Variants in PDE1A observed in about 807,000 individuals in gnomAD.
PDE1A encodes phosphodiesterase 1A.
In PDE1A, 35 loss-of-function variants were observed where a neutral mutation model predicts 61.7. That is an observed-to-expected ratio of 0.57 (90% confidence interval 0.43 to 0.75). PDE1A has a LOEUF of 0.75. PDE1A is among the 30% of genes least tolerant of loss of function. The probability of loss-of-function intolerance (pLI) is 0.00; values close to 1 mark genes in which losing one functional copy is unlikely to be tolerated. For synonymous variants in PDE1A, 232 were observed against 213.2 expected, an observed-to-expected ratio of 1.09 and a Z score of -0.77; for missense variants, 597 against 630.6, an observed-to-expected ratio of 0.95 and a Z score of 0.57.
intron 2 of PDE1A, among the ~76,000 whole-genome samples, chr2:182,481,876 A>T (rs1210613929): frequency 6.6e-6 from 1 of 151,944 alleles, no homozygotes; most frequent in Non-Finnish European, 1.5e-5. Flanking sequence ...CTAGTTGGAT[A>T]AGAGCATTGA....
At chr2:182,619,401 T>C in the PDE1A span, among the ~76,000 whole-genome samples, 38 of 152,016 alleles carry the variant, frequency 2.5e-4, no homozygotes, top group Non-Finnish European at 4.3e-4. Flanking sequence ...GTGTGACCCA[T>C]ACAAGCAGAG....
chr2:182,266,644 A>G (rs1264173559), intron 1 of PDE1A, among the ~76,000 whole-genome samples: 1 of 152,184 alleles, frequency 6.6e-6, no homozygotes, highest in African/African-American at 2.4e-5. Flanking sequence ...GAAGCTAGGT[A>G]TGGTCACATG....
chr2:182,472,356 A>C (rs1687078658), intron 2 of PDE1A, among the ~76,000 whole-genome samples: 2 of 152,054 alleles, frequency 1.3e-5, no homozygotes, highest in Non-Finnish European at 2.9e-5. Flanking sequence ...GTATATATAC[A>C]CAATGAAATA....
chr2:182,696,087 A>G, the PDE1A span, among the ~76,000 whole-genome samples: 13 of 152,252 alleles, frequency 8.5e-5, no homozygotes, highest in African/African-American at 2.9e-4. Context: ...CTCTTGTCAT[A>G]AGATCCAGCA....
intron 2 of PDE1A, among the ~76,000 whole-genome samples, chr2:182,464,290 AC>A (rs66461405): frequency 0.081 from 12,300 of 152,168 alleles, 555 homozygotes; most frequent in African/African-American, 0.12. Context: ...AGGCATAGGG[AC>A]CACTGCAACA....
At chr2:182,199,882 G>A (rs527747697) in intron 10 of PDE1A, among the ~76,000 whole-genome samples, 13 of 151,968 alleles carry the variant, frequency 8.6e-5, no homozygotes, top group Non-Finnish European at 1.6e-4. Flanking sequence ...AGACAGAAAC[G>A]TGAGTCATCC....
chr2:182,499,200 G>A (rs1214450857), intron 2 of PDE1A, among the ~76,000 whole-genome samples: 18 of 80,590 alleles, frequency 2.2e-4, no homozygotes, highest in African/African-American at 1.3e-3. Context: ...TTTTTGAGAC[G>A]GAGTCTTGCT....
chr2:182,291,075 T>C (rs1044717838), intron 1 of PDE1A, among the ~76,000 whole-genome samples: 12 of 152,080 alleles, frequency 7.9e-5, no homozygotes, highest in African/African-American at 2.9e-4. Flanking sequence ...TTTCCTCTTC[T>C]TTCCTGCAGC....
the PDE1A span, among the ~76,000 whole-genome samples, chr2:182,555,322 G>A: frequency 2.0e-5 from 3 of 152,184 alleles, no homozygotes; most frequent in Non-Finnish European, 2.9e-5. Context: ...TACTCCGAGC[G>A]TTTGATAATA....
chr2:182,428,978 C>T (rs1173592516), upstream of PDE1A, among the ~76,000 whole-genome samples: 1 of 152,014 alleles, frequency 6.6e-6, no homozygotes, highest in Non-Finnish European at 1.5e-5. Flanking sequence ...AGCTTGAAGT[C>T]CAAAGGCTTG....
At chr2:182,411,006 G>A (rs1702578230) in intron 1 of PDE1A, among the ~76,000 whole-genome samples, 1 of 152,158 alleles carries the variant, frequency 6.6e-6, no homozygotes, top group Non-Finnish European at 1.5e-5. Context: ...TTACTAAGGT[G>A]TAACATTCAT....
rs556894191 is a variant in PDE1A, at chr2:182,313,272, G to C, written c.54-48858C>G. On this transcript the variant is annotated intron_variant, in intron 1 of 13. Transcript: ENST00000351439. ...CTATAAAAAACATAAAAATTAGCCA[G>C]GTGTGGTGGTGGGCACCCGTAATCC... Among the ~76,000 whole-genome samples the C allele has an allele frequency of 4.0e-4, 61 of 152,214 alleles. 1 individual carries two copies. The highest frequency in any genetic ancestry group is 3.7e-3 in the South Asian group (18 of 4,818).
the PDE1A span, among the ~76,000 whole-genome samples, chr2:182,683,802 T>C: frequency 6.6e-6 from 1 of 152,042 alleles, no homozygotes; most frequent in African/African-American, 2.4e-5. Flanking sequence ...TGGTAAGGCT[T>C]TGAGGAAACA....
At chr2:182,633,575 A>T in the PDE1A span, among the ~76,000 whole-genome samples, 1 of 152,092 alleles carries the variant, frequency 6.6e-6, no homozygotes, top group African/African-American at 2.4e-5. Flanking sequence ...CTGTGACCTG[A>T]GTCATGGATT....
At chr2:182,334,265 GAGACACACACAC>G (rs1244338272) in intron 1 of PDE1A, among the ~76,000 whole-genome samples, 7 of 149,058 alleles carry the variant, frequency 4.7e-5, no homozygotes. Flanking sequence ...AACCCTGGAA[GAGACACACACAC>G]ACACACACAC....
the PDE1A span, among the ~76,000 whole-genome samples, chr2:182,575,692 C>T: frequency 6.9e-6 from 1 of 144,432 alleles, no homozygotes; most frequent in Non-Finnish European, 1.5e-5. Context: ...CCAGGAGACA[C>T]AATTATTCCA....
the PDE1A span, among the ~76,000 whole-genome samples, chr2:182,561,846 G>A: frequency 6.6e-6 from 1 of 152,032 alleles, no homozygotes; most frequent in Admixed American, 6.6e-5. Context: ...CTCATGATTT[G>A]GCTCTCTGTT....
At chr2:182,694,498 T>C in the PDE1A span, among the ~76,000 whole-genome samples, 1 of 152,130 alleles carries the variant, frequency 6.6e-6, no homozygotes, top group African/African-American at 2.4e-5. Context: ...TGAGAAATGA[T>C]CCATGTAAAA....
chr2:182,607,384 T>C, the PDE1A span, among the ~76,000 whole-genome samples: 1 of 152,300 alleles, frequency 6.6e-6, no homozygotes, highest in Non-Finnish European at 1.5e-5. Context: ...CCTGGATTGT[T>C]TGAGGAATAG....
Sources: allele counts gnomAD v4.1 joint callset (sites outside exome capture counted in the v4.1 genomes callset), GRCh38; gene constraint gnomAD v4.1.1; transcripts MANE v1.5; gene names NCBI Gene and HGNC (gene_info 2026-07-23, HGNC 2026-07-21).